Variants in CENPP observed in about 807,000 individuals in gnomAD.
CENPP encodes the protein centromere protein P.
CENPP carries 24 observed loss-of-function variants against 35.6 expected under a neutral mutation model. The ratio of observed to expected loss-of-function variants is 0.67; its 90% CI spans 0.49 to 0.95. The LOEUF is 0.95. CENPP is among the 40% of genes least tolerant of loss of function. The pLI, the probability that CENPP is intolerant of heterozygous loss-of-function variation, is 0.00. For synonymous variants in CENPP, 120 were observed against 125.5 expected (o/e 0.96, Z 0.29); for missense variants, 332 against 345.3 (o/e 0.96, Z 0.31).
intron 5 of CENPP, among the ~76,000 whole-genome samples, chr9:92,461,432 T>G (rs1055014763): frequency 3.3e-5 from 5 of 152,252 alleles, no homozygotes; most frequent in South Asian, 2.1e-4. Context: ...TTGGTTCTTA[T>G]CGCTCTTGAA....
chr9:92,408,171 C>G (rs1034201491), intron 5 of CENPP, among the ~76,000 whole-genome samples: 34 of 152,032 alleles, frequency 2.2e-4, no homozygotes, highest in Admixed American at 2.2e-3. Context: ...GTCAAAACAC[C>G]TGAGTTCTAG....
intron 3 of CENPP, among the ~76,000 whole-genome samples, chr9:92,344,907 G>C (rs984566481): frequency 6.7e-5 from 10 of 150,342 alleles, no homozygotes; most frequent in African/African-American, 2.2e-4. Context: ...GGTGGCTCCC[G>C]CCTGTAATCC....
intron 5 of CENPP, among the ~76,000 whole-genome samples, chr9:92,553,288 G>C (rs1849652670): frequency 6.6e-6 from 1 of 152,122 alleles, no homozygotes; most frequent in Admixed American, 6.5e-5. Context: ...TTTTATACCA[G>C]TATTATGCTG....
rs920423063 is a variant in CENPP, at chr9:92,597,914, G to A, written c.565-13400G>A. On this transcript the variant is annotated intron_variant, in intron 5 of 7. Coordinates refer to ENST00000375587, the MANE Select transcript of CENPP (RefSeq NM_001012267.3). ...CCTTTAGAGTGATTGCAGGGTGCATGTTTCTAAGGTGTATAAATTACTGAC... is the reference window on the plus strand; with the variant it reads ...CCTTTAGAGTGATTGCAGGGTGCATATTTCTAAGGTGTATAAATTACTGAC... 3.9e-5 allele frequency among the ~76,000 whole-genome samples: 6 copies of A among 152,178 alleles called. 1 individual carries two copies. Among genetic ancestry groups the A allele is most frequent in the African/African-American group, 1.2e-4 (5 of 41,432 alleles).
upstream of CENPP, chr9:92,325,931 G>A: frequency 7.3e-7 from 1 of 1,377,674 alleles, no homozygotes; most frequent in Admixed American, 2.0e-5. Flanking sequence ...GAGGCTTGAA[G>A]CGCGGGTGAA....
intron 5 of CENPP, among the ~76,000 whole-genome samples, chr9:92,428,669 C>A (rs141352293): frequency 6.6e-6 from 1 of 152,280 alleles, no homozygotes; most frequent in African/African-American, 2.4e-5. Context: ...GCATAAAAAT[C>A]AGACTGCACA....
intron 5 of CENPP, among the ~76,000 whole-genome samples, chr9:92,426,271 T>C (rs1165399179): frequency 6.6e-6 from 1 of 152,210 alleles, no homozygotes; most frequent in African/African-American, 2.4e-5. Flanking sequence ...TGTTGAAAAG[T>C]GTAAATTATA....
intron 4 of CENPP, among the ~76,000 whole-genome samples, chr9:92,353,810 C>T (rs1841524940): frequency 6.6e-6 from 1 of 152,168 alleles, no homozygotes; most frequent in African/African-American, 2.4e-5. Context: ...GGTGCCACTT[C>T]AACTTCCACC....
intron 5 of CENPP, among the ~76,000 whole-genome samples, chr9:92,469,958 C>T (rs1564338831): frequency 6.6e-6 from 1 of 152,170 alleles, no homozygotes. Context: ...ACCTCTACCT[C>T]TTGGCTAAGA....
intron 5 of CENPP, among the ~76,000 whole-genome samples, chr9:92,601,788 C>T (rs530736153): frequency 6.6e-5 from 10 of 152,318 alleles, no homozygotes; most frequent in South Asian, 2.1e-4. Context: ...AACAGCAAAG[C>T]GACTGACAGA....
intron 4 of CENPP, among the ~76,000 whole-genome samples, chr9:92,364,766 A>T (rs1841845221): frequency 6.6e-6 from 1 of 152,242 alleles, no homozygotes; most frequent in Non-Finnish European, 1.5e-5. Flanking sequence ...CTTACAACCT[A>T]GTGTATGCAC....
At chr9:92,387,667 G>A (rs890372684) in intron 5 of CENPP, among the ~76,000 whole-genome samples, 10 of 152,144 alleles carry the variant, frequency 6.6e-5, no homozygotes, top group Non-Finnish European at 1.5e-4. Flanking sequence ...TCTTCCCAGT[G>A]AGTCTCATTT....
At chr9:92,584,547 C>T (rs922568553) in intron 5 of CENPP, among the ~76,000 whole-genome samples, 4 of 152,142 alleles carry the variant, frequency 2.6e-5, no homozygotes, top group African/African-American at 9.7e-5. Context: ...CGGGGTCTCA[C>T]TATGACTGGT....
At chr9:92,508,521 T>C (rs1847145449) in intron 5 of CENPP, among the ~76,000 whole-genome samples, 1 of 152,196 alleles carries the variant, frequency 6.6e-6, no homozygotes, top group Admixed American at 6.5e-5. Flanking sequence ...CAACTAAAAG[T>C]GTGACTGACT....
intron 5 of CENPP, among the ~76,000 whole-genome samples, chr9:92,395,700 C>T (rs1842864755): frequency 6.6e-6 from 1 of 152,054 alleles, no homozygotes; most frequent in Non-Finnish European, 1.5e-5. Flanking sequence ...TTAATTTTAG[C>T]AATTGAAATG....
intron 5 of CENPP, among the ~76,000 whole-genome samples, chr9:92,585,882 G>A (rs570589964): frequency 4.6e-5 from 7 of 152,268 alleles, no homozygotes; most frequent in African/African-American, 1.4e-4. Context: ...GGTGTAGCTT[G>A]CTTGGTACAA....
chr9:92,602,501 C>T (rs1850948662), intron 5 of CENPP, among the ~76,000 whole-genome samples: 1 of 152,182 alleles, frequency 6.6e-6, no homozygotes, highest in South Asian at 2.1e-4. Context: ...GGATATGCAG[C>T]GTTAGGCCCA....
intron 5 of CENPP, among the ~76,000 whole-genome samples, chr9:92,405,414 A>G (rs1442920632): frequency 6.6e-6 from 1 of 152,154 alleles, no homozygotes; most frequent in Non-Finnish European, 1.5e-5. Context: ...AAATGAAAGA[A>G]TAACAATTTG....
At chr9:92,408,925 A>T (rs1049845579) in intron 5 of CENPP, among the ~76,000 whole-genome samples, 1 of 152,162 alleles carries the variant, frequency 6.6e-6, no homozygotes, top group Non-Finnish European at 1.5e-5. Context: ...CTTAAATCTC[A>T]TACTTATGCT....
Sources: gnomAD v4.1 joint callset for allele counts (sites outside exome capture counted in the v4.1 genomes callset) on GRCh38, gnomAD v4.1.1 for gene constraint, MANE v1.5 for transcripts, NCBI Gene and HGNC (gene_info 2026-07-23, HGNC 2026-07-21) for gene names.